The following KCNQ4 variants were observed in gnomAD, a reference collection of about 807,000 sequenced individuals.
KCNQ4 encodes potassium voltage-gated channel subfamily Q member 4.
KCNQ4 carries 31 observed loss-of-function variants against 72.6 expected under a neutral mutation model. The ratio of observed to expected loss-of-function variants is 0.43; its 90% confidence interval spans 0.32 to 0.58. KCNQ4 has a LOEUF of 0.58. Ranked by LOEUF, KCNQ4 falls within the 20% of genes least tolerant of loss-of-function variation. The pLI is 0.08. For missense variants in KCNQ4, 869 were observed against 962.6 expected, an observed-to-expected ratio of 0.90 and a Z score of 1.29; for synonymous variants, 405 against 403.7, an observed-to-expected ratio of 1.00 and a Z score of -0.04.
Position 40,784,331 on chromosome 1 carries a change from T to C in KCNQ4, c.238T>C (p.Tyr80His). The C allele has an allele frequency of 1.2e-6, 2 of 1,608,698 alleles. No individual in the cohort carries two copies. Among genetic ancestry groups the C allele is most frequent in the Non-Finnish European group, 1.7e-6 (2 of 1,179,016 alleles). Residue 80 changes from tyrosine (Y) to histidine (H), a missense_variant, in exon 1 of 14, where the codon TAC (tyrosine) becomes CAC (histidine). Tyr to His is a moderately conservative substitution (Grantham distance 83, BLOSUM62 2). Coordinates refer to ENST00000347132, the MANE Select transcript of KCNQ4 (RefSeq NM_004700.4). The surrounding 1 kb of genome is among the most constrained non-coding windows in gnomAD (Gnocchi z 4.1). ...GQRSSAAHKR[Y>H]RRLQNWVYNV... ...GCGCTCCTCGGCCGCGCACAAGCGCTACCGCCGCCTGCAGAACTGGGTCTA... is the reference window on the plus strand; with the variant it reads ...GCGCTCCTCGGCCGCGCACAAGCGCCACCGCCGCCTGCAGAACTGGGTCTA...
chr1:40,839,474 G>A lies in KCNQ4; in HGVS notation c.*951G>A, dbSNP rs1364343644. 6.6e-6 allele frequency: 1 copy of A among 152,228 alleles called. No homozygotes were observed. Among genetic ancestry groups the A allele is most frequent in the African/African-American group, 2.4e-5 (1 of 41,442 alleles). 9.4% of individuals were successfully genotyped at this position (152,228 alleles called of 1,614,324 possible). A position where few individuals can be genotyped will look rare whatever the true frequency, so the allele number is the denominator to read the frequency against. On this transcript the variant is annotated 3_prime_UTR_variant, in exon 14 of 14. Transcript: ENST00000347132. The stretch of plus-strand genomic sequence containing the variant: ...AATGACGTGACACACTTGGAGACAT[G>A]AGTGCAGAGCCACTCAGCCGCTCCT...
At chr1:40,819,107 C>A (rs1570830642) in intron 4 of KCNQ4, 1 of 506,176 alleles carries the variant, frequency 2.0e-6, no homozygotes, top group Non-Finnish European at 3.5e-6. Context: ...GAGCCTGGAA[C>A]CTGGAGACTC....
intron 12 of KCNQ4, 34 bp downstream of exon 12, chr1:40,835,132 A>G: frequency 6.2e-7 from 1 of 1,606,256 alleles, no homozygotes; most frequent in Non-Finnish European, 8.5e-7. Flanking sequence ...AGGCAGGGGC[A>G]GGGAGGCAGC....
At chr1:40,791,395 CAG>C (rs1363511801) in intron 1 of KCNQ4, among the ~76,000 whole-genome samples, 1 of 152,140 alleles carries the variant, frequency 6.6e-6, no homozygotes, top group African/African-American at 2.4e-5. Context: ...ACAGGGCACT[CAG>C]GGGGCTGCCT....
chr1:40,807,244 A>G (rs2148308732), intron 1 of KCNQ4, among the ~76,000 whole-genome samples: 1 of 152,156 alleles, frequency 6.6e-6, no homozygotes, highest in South Asian at 2.1e-4. Context: ...AACTCAGCTG[A>G]GGGCCAACTC....
chr1:40,817,768 C>G lies in KCNQ4; in HGVS notation c.406-396C>G, dbSNP rs957453059. On this transcript the variant is annotated intron_variant, in intron 2 of 13. Coordinates refer to ENST00000347132, the MANE Select transcript of KCNQ4 (RefSeq NM_004700.4). This position sits in a 1 kb window ranked among gnomAD's most constrained non-coding sequence, Gnocchi z 5.5. ...CTCAGGACAAAATCTGCAAACTCCACGTGTGGTGGATTTTAGGTCAGTTTT... is the reference window on the plus strand; with the variant it reads ...CTCAGGACAAAATCTGCAAACTCCAGGTGTGGTGGATTTTAGGTCAGTTTT... Among the ~76,000 whole-genome samples, 2 of 152,210 alleles carry G rather than the reference C, an allele frequency of 1.3e-5. No homozygotes were observed. Among genetic ancestry groups the G allele is most frequent in the Non-Finnish European group, 2.9e-5 (2 of 68,034 alleles).
rs2148317979 is a variant in KCNQ4 at position 40,818,262 on chromosome 1, C to T, written c.504C>T (p.Arg168=). ...CRYRGWQGRF[R]FARKPFCVID... is the part of the protein sequence containing the mutation. ...ACCGAGGATGGCAGGGTCGCTTCCG[C>T]TTTGCCAGAAAGCCCTTCTGTGTCA... Residue 168 remains arginine (R), a synonymous_variant, in exon 3 of 14, where the codon CGC becomes CGT. Transcript: ENST00000347132. 1 of 1,614,014 alleles carries T rather than the reference C, an allele frequency of 6.2e-7. No homozygotes were observed. Among genetic ancestry groups the T allele is most frequent in the Non-Finnish European group, 8.5e-7 (1 of 1,180,042 alleles).
chr1:40,822,600 T>G (rs1046775839), intron 8 of KCNQ4, among the ~76,000 whole-genome samples, 198 bp downstream of exon 8: 1 of 152,024 alleles, frequency 6.6e-6, no homozygotes, highest in African/African-American at 2.4e-5. Flanking sequence ...AGGGAAGAGG[T>G]GGATACTGGA....
intron 1 of KCNQ4, among the ~76,000 whole-genome samples, chr1:40,796,275 C>T (rs1647408266): frequency 6.6e-6 from 1 of 152,190 alleles, no homozygotes; most frequent in African/African-American, 2.4e-5. Flanking sequence ...CTCTGAGTCT[C>T]AGCCTCCCTC....
At chr1:40,820,725 T>G (rs1447517375) in intron 7 of KCNQ4, among the ~76,000 whole-genome samples, 1 of 152,052 alleles carries the variant, frequency 6.6e-6, no homozygotes, top group African/African-American at 2.4e-5. Flanking sequence ...ATTTAGCAGG[T>G]GGGTGGGCCT....
At chr1:40,838,220 C>A in intron 13 of KCNQ4, 91 bp from the exon 14 acceptor site, 1 of 1,115,198 alleles carries the variant, frequency 9.0e-7, no homozygotes, top group Non-Finnish European at 1.3e-6. Context: ...CCCACTCCAC[C>A]GGCTAGGGTC....
intron 1 of KCNQ4, among the ~76,000 whole-genome samples, chr1:40,815,768 G>A (rs553980426): frequency 5.9e-4 from 90 of 152,198 alleles, no homozygotes; most frequent in Non-Finnish European, 9.7e-4. Context: ...GCAGTGCCAC[G>A]CCCTTTGCAT....
chr1:40,811,625 C>T lies in KCNQ4; in HGVS notation c.315-5640C>T, dbSNP rs569460975. Among the ~76,000 whole-genome samples, 14 of 152,294 alleles carry T rather than the reference C, an allele frequency of 9.2e-5. No homozygotes were observed. In the South Asian group the frequency reaches 2.5e-3, roughly 27 times the overall value. On this transcript the variant is annotated intron_variant, in intron 1 of 13. Transcript: ENST00000347132. Reference sequence around the variant, plus strand: ...TCTAATCCTCTTGCTCCCTCCTGAACGAGTGGGATAGTCATGGGATGGGGA... The same window carrying T: ...TCTAATCCTCTTGCTCCCTCCTGAATGAGTGGGATAGTCATGGGATGGGGA...
chr1:40,789,711 C>T (rs527257246), intron 1 of KCNQ4, among the ~76,000 whole-genome samples: 100 of 152,348 alleles, frequency 6.6e-4, no homozygotes, highest in Non-Finnish European at 1.2e-3. Context: ...ATCCCTATTG[C>T]TGCCGAAGCC....
intron 4 of KCNQ4, chr1:40,819,013 G>A: frequency 3.6e-6 from 2 of 562,190 alleles, no homozygotes; most frequent in Non-Finnish European, 3.3e-6. Context: ...GGTGGGGCTG[G>A]AGCGGGGCTA....
At position 40,822,420 on chromosome 1, in the gene KCNQ4, T is replaced by TG; in HGVS notation, c.1130+23dup. ...TCCTTCAGGTAGGTCCTGCTGGGGG[T>TG]GGGGGTGGGTGGGGGGCTGGCAGCA... is the stretch of plus-strand genomic sequence containing the variant. On this transcript the variant is annotated intron_variant, in intron 8 of 13. Transcript: ENST00000347132. The TG allele has an allele frequency of 1.4e-5, 2 of 141,712 alleles. No homozygotes were observed. Among genetic ancestry groups the TG allele is most frequent in the Non-Finnish European group, 2.9e-5 (2 of 69,140 alleles). The allele number at this position is 141,712 out of a possible 1,614,324, so 8.8% of individuals were successfully genotyped here. A position where few individuals can be genotyped will look rare whatever the true frequency, so the allele number is the denominator to read the frequency against.
intron 1 of KCNQ4, chr1:40,805,182 T>C (rs1253164686): frequency 1.3e-5 from 2 of 152,108 alleles, no homozygotes; most frequent in Non-Finnish European, 2.9e-5. Context: ...AAACAAAAAG[T>C]CACTGGCATC....
At chr1:40,834,576 T>C (rs1287176099) in intron 11 of KCNQ4, among the ~76,000 whole-genome samples, 4 of 149,080 alleles carry the variant, frequency 2.7e-5, no homozygotes, top group Non-Finnish European at 5.9e-5. Context: ...GGGACCCCCA[T>C]CTCTTTAAAA....
chr1:40,835,368 A>C (rs1447491361), intron 12 of KCNQ4, among the ~76,000 whole-genome samples: 2 of 152,190 alleles, frequency 1.3e-5, no homozygotes, highest in Non-Finnish European at 2.9e-5. Flanking sequence ...CTTTGTTTAG[A>C]ATGACTGTTT....
Sources: allele counts gnomAD v4.1 joint callset (sites outside exome capture counted in the v4.1 genomes callset), GRCh38; gene constraint gnomAD v4.1.1; non-coding constraint Gnocchi (gnomAD v3.1); transcripts MANE v1.5; gene names NCBI Gene and HGNC (gene_info 2026-07-23, HGNC 2026-07-21).